Variants in NPSR1 observed in about 807,000 individuals in gnomAD.
NPSR1 encodes the protein neuropeptide S receptor 1.
A neutral mutation model predicts 46.9 loss-of-function variants in NPSR1; 48 were observed. The ratio of observed to expected loss-of-function variants is 1.02; its 90% CI spans 0.81 to 1.30. The LOEUF (loss-of-function observed/expected upper bound fraction) is 1.30, where lower values mean the gene tolerates loss of function less well. Ranked by LOEUF, NPSR1 falls within the 50% of genes most tolerant of loss-of-function variation. The pLI, the probability that NPSR1 is intolerant of heterozygous loss-of-function variation, is 0.00. For synonymous variants in NPSR1, 176 were observed against 168.1 expected (o/e 1.05, Z -0.36); for missense variants, 450 against 449.5 (o/e 1.00, Z -0.01).
intron 8 of NPSR1, among the ~76,000 whole-genome samples, chr7:34,860,250 T>C (rs1230353827): frequency 6.6e-6 from 1 of 151,768 alleles, no homozygotes; most frequent in Admixed American, 6.5e-5. Context: ...GCTGATGTGA[T>C]ACCTTATCAA....
At chr7:34,770,586 A>C (rs922216712) in intron 2 of NPSR1, among the ~76,000 whole-genome samples, 2 of 152,182 alleles carry the variant, frequency 1.3e-5, no homozygotes, top group African/African-American at 4.8e-5. Flanking sequence ...GTTGAAAGAA[A>C]AATAGGAATT....
intron 2 of NPSR1, 88 bp downstream of exon 2, chr7:34,684,772 A>G: frequency 8.7e-7 from 1 of 1,144,830 alleles, no homozygotes; most frequent in Non-Finnish European, 1.2e-6. Flanking sequence ...AAAAAAAAAA[A>G]AATGTAACGC....
intron 2 of NPSR1, among the ~76,000 whole-genome samples, chr7:34,708,713 T>A (rs907480773): frequency 1.3e-5 from 2 of 152,216 alleles, no homozygotes; most frequent in African/African-American, 4.8e-5. Flanking sequence ...TTTGAATATC[T>A]TTGAGTATTA....
chr7:34,740,760 C>T (rs1784902339), intron 2 of NPSR1, among the ~76,000 whole-genome samples: 1 of 152,126 alleles, frequency 6.6e-6, no homozygotes, highest in Non-Finnish European at 1.5e-5. Flanking sequence ...GGGGTGTCTC[C>T]TAGGTCTTGC....
rs1792950697 is a variant in NPSR1 at position 34,686,803 on chromosome 7, G to A, written c.280+2119G>A. On this transcript the variant is annotated intron_variant, in intron 2 of 8. Coordinates refer to ENST00000360581, the MANE Select transcript of NPSR1 (RefSeq NM_207172.2). The stretch of plus-strand genomic sequence containing the variant: ...CTTTCTTTGTTTAAAGGACTTTTCT[G>A]AATATTTCAGGTAATATAATGATAT... Among the ~76,000 whole-genome samples the A allele has an allele frequency of 4.0e-5, 6 of 151,570 alleles. No homozygotes were observed. The South Asian group carries it at 1.2e-3, about 31-fold the overall frequency.
intron 2 of NPSR1, among the ~76,000 whole-genome samples, chr7:34,746,974 A>G (rs1478052987): frequency 6.6e-6 from 1 of 151,914 alleles, no homozygotes. Context: ...AAAATACAAA[A>G]ATTAGCTGTG....
At chr7:34,870,669 C>T (rs115182646) in intron 8 of NPSR1, among the ~76,000 whole-genome samples, 2,737 of 151,682 alleles carry the variant, frequency 0.018, 171 homozygotes, top group African/African-American at 0.063. Flanking sequence ...CATGGGGATC[C>T]CTAGACTGAA....
chr7:34,873,452 C>T (rs1384909412), intron 8 of NPSR1, among the ~76,000 whole-genome samples: 28 of 151,722 alleles, frequency 1.8e-4, no homozygotes, highest in Admixed American at 1.5e-3. Flanking sequence ...TTAATTGGCT[C>T]ATGATTCTGC....
chr7:34,684,716 C>G, intron 2 of NPSR1, 32 bp downstream of exon 2: 1 of 1,567,648 alleles, frequency 6.4e-7, no homozygotes, highest in South Asian at 1.2e-5. Flanking sequence ...AGGCAGGAAG[C>G]TATATGTGAA....
intron 1 of NPSR1, among the ~76,000 whole-genome samples, chr7:34,663,725 G>A (rs1173347532): frequency 6.6e-6 from 1 of 152,300 alleles, no homozygotes; most frequent in East Asian, 1.9e-4. Context: ...CCCTGTCATG[G>A]GGAAATTGAT....
At chr7:34,845,666 G>A in intron 7 of NPSR1, 3 of 439,732 alleles carry the variant, frequency 6.8e-6, no homozygotes, top group Non-Finnish European at 1.4e-5. Flanking sequence ...CACACTACAG[G>A]ATATAGATTG....
chr7:34,744,044 T>C (rs1291233738), intron 2 of NPSR1, among the ~76,000 whole-genome samples: 1 of 152,198 alleles, frequency 6.6e-6, no homozygotes, highest in Non-Finnish European at 1.5e-5. Flanking sequence ...TTGCTGATTA[T>C]TATTATGTAT....
At chr7:34,850,701 G>C (rs376119402), downstream of NPSR1, among the ~76,000 whole-genome samples, 1 of 152,002 alleles carries the variant, frequency 6.6e-6, no homozygotes, top group Non-Finnish European at 1.5e-5. Context: ...CGCCCGGCCT[G>C]TCCTTGAGGC....
At chr7:34,818,179 A>G (rs1021505704) in intron 4 of NPSR1, among the ~76,000 whole-genome samples, 9 of 151,888 alleles carry the variant, frequency 5.9e-5, no homozygotes, top group Non-Finnish European at 1.3e-4. Context: ...CCATTGTCTC[A>G]GCCCAAAATC....
At chr7:34,775,209 C>T (rs1384112185) in intron 2 of NPSR1, among the ~76,000 whole-genome samples, 6 of 152,084 alleles carry the variant, frequency 3.9e-5, no homozygotes, top group Admixed American at 2.6e-4. Context: ...CTCTTCAGAC[C>T]TTATTATGAC....
intron 8 of NPSR1, among the ~76,000 whole-genome samples, chr7:34,874,292 T>A (rs2128770880): frequency 6.6e-6 from 1 of 152,342 alleles, no homozygotes. Flanking sequence ...ATATTGCCTG[T>A]CAGGATCTTC....
intron 8 of NPSR1, among the ~76,000 whole-genome samples, chr7:34,860,363 T>C (rs1791159753): frequency 6.6e-6 from 1 of 151,872 alleles, no homozygotes; most frequent in African/African-American, 2.4e-5. Flanking sequence ...TTTACATGGA[T>C]ATTTATAATC....
chr7:34,790,737 G>A (rs1185289320), intron 3 of NPSR1, among the ~76,000 whole-genome samples: 1 of 117,582 alleles, frequency 8.5e-6, no homozygotes, highest in Non-Finnish European at 1.7e-5. Flanking sequence ...TATGTTATAT[G>A]TTATATATAA....
At position 34,868,409 on chromosome 7, in the gene NPSR1, A is replaced by T. The variant is rs574988455; in HGVS notation, c.1026-9667A>T. On this transcript the variant is annotated intron_variant, in intron 8 of 8. Transcript: ENST00000359791. ...AAGGAGAAAATCAAAGTTGGGAATT[A>T]CAGCATTCCTGACCAAGAAAGATTG... 3.3e-4 allele frequency among the ~76,000 whole-genome samples: 50 copies of T among 151,810 alleles called. 2 individuals are homozygous for T. Among genetic ancestry groups the T allele is most frequent in the East Asian group, 3.9e-4 (2 of 5,176 alleles).
Sources: gnomAD v4.1 joint callset for allele counts (sites outside exome capture counted in the v4.1 genomes callset) on GRCh38, gnomAD v4.1.1 for gene constraint, MANE v1.5 for transcripts, NCBI Gene and HGNC (gene_info 2026-07-23, HGNC 2026-07-21) for gene names.